The following TENM2 variants were observed in gnomAD, a reference collection of about 807,000 sequenced individuals.
TENM2 encodes the protein teneurin transmembrane protein 2, also known as teneurin-2.
A neutral mutation model predicts 245.2 loss-of-function variants in TENM2; 52 were observed. The ratio of observed to expected loss-of-function variants is 0.21; its 90% CI spans 0.17 to 0.27. The LOEUF (loss-of-function observed/expected upper bound fraction) is 0.27. Among genes scored for constraint, TENM2 ranks in the 10% least tolerant of loss-of-function variants. The pLI, the probability that TENM2 is intolerant of heterozygous loss-of-function variation, is 1.00. For synonymous variants in TENM2, 1,363 were observed against 1,438.9 expected (o/e 0.95, Z 1.19); for missense variants, 3,046 against 3,666.8 (o/e 0.83, Z 4.37).
intron 2 of TENM2, among the ~76,000 whole-genome samples, chr5:167,394,774 A>AT (rs1357277002): frequency 6.6e-6 from 1 of 150,984 alleles, no homozygotes; most frequent in East Asian, 2.0e-4. Flanking sequence ...TTTTTTTTCT[A>AT]TTTTTACAGA....
At chr5:167,323,512 A>G (rs768412327) in intron 1 of TENM2, among the ~76,000 whole-genome samples, 29 of 151,958 alleles carry the variant, frequency 1.9e-4, no homozygotes, top group Non-Finnish European at 3.7e-4. Context: ...AATATCTAAC[A>G]CCTCTGAGTT....
intron 4 of TENM2, among the ~76,000 whole-genome samples, chr5:167,963,314 A>G (rs1369660766): frequency 2.0e-5 from 3 of 152,212 alleles, no homozygotes; most frequent in Non-Finnish European, 4.4e-5. Flanking sequence ...GAATTCCCTG[A>G]TTCAAATGCT....
chr5:167,277,808 T>A, the TENM2 span, among the ~76,000 whole-genome samples: 1 of 150,408 alleles, frequency 6.6e-6, no homozygotes, highest in Non-Finnish European at 1.5e-5. Flanking sequence ...TCATACATAT[T>A]TAGAATTGCC....
At chr5:167,520,418 T>A (rs914578984) in intron 2 of TENM2, among the ~76,000 whole-genome samples, 1 of 152,146 alleles carries the variant, frequency 6.6e-6, no homozygotes, top group African/African-American at 2.4e-5. Context: ...ATATTTTTAG[T>A]TAATCTTCCT....
chr5:167,761,319 G>A (rs569923067), intron 2 of TENM2, among the ~76,000 whole-genome samples: 1 of 152,058 alleles, frequency 6.6e-6, no homozygotes, highest in African/African-American at 2.4e-5. Flanking sequence ...GCTCAACCAG[G>A]GCAGGAAACG....
intron 2 of TENM2, among the ~76,000 whole-genome samples, chr5:167,489,987 AC>A (rs1315195392): frequency 1.3e-5 from 2 of 152,264 alleles, no homozygotes; most frequent in South Asian, 4.1e-4. Context: ...AAAGACTACT[AC>A]CTACATAAAT....
the TENM2 span, among the ~76,000 whole-genome samples, chr5:167,188,580 G>A: frequency 2.0e-5 from 3 of 151,946 alleles, no homozygotes; most frequent in African/African-American, 7.2e-5. Flanking sequence ...GCTCACTTTT[G>A]ACAACAAACT....
intron 2 of TENM2, among the ~76,000 whole-genome samples, chr5:167,743,863 G>A (rs1159688366): frequency 6.6e-6 from 1 of 152,184 alleles, no homozygotes. Context: ...CCCTCACTGA[G>A]AGCATTCTTG....
chr5:167,346,394 A>G (rs1758460007), intron 1 of TENM2, among the ~76,000 whole-genome samples: 6 of 152,208 alleles, frequency 3.9e-5, no homozygotes. Context: ...GAGCTACTTT[A>G]TTTGGTCTGC....
chr5:167,558,158 A>G (rs1773371335), intron 2 of TENM2, among the ~76,000 whole-genome samples: 1 of 152,192 alleles, frequency 6.6e-6, no homozygotes, highest in African/African-American at 2.4e-5. Flanking sequence ...TCAGGATGCT[A>G]GAAGCTCCAG....
At chr5:167,429,555 C>G (rs977753048) in intron 2 of TENM2, among the ~76,000 whole-genome samples, 8 of 150,054 alleles carry the variant, frequency 5.3e-5, no homozygotes, top group Non-Finnish European at 1.5e-5. Context: ...GTGGGGAGAG[C>G]CGTGGAGGTC....
intron 1 of TENM2, among the ~76,000 whole-genome samples, chr5:167,336,895 A>G (rs1257380927): frequency 6.6e-6 from 1 of 151,256 alleles, no homozygotes; most frequent in Non-Finnish European, 1.5e-5. Context: ...AGGCGGGTGG[A>G]TCATGAGGTC....
At chr5:168,025,051 A>G (rs2151926518) in intron 5 of TENM2, among the ~76,000 whole-genome samples, 1 of 152,346 alleles carries the variant, frequency 6.6e-6, no homozygotes, top group African/African-American at 2.4e-5. Flanking sequence ...TACAAAAGTA[A>G]CTTCTCTATG....
the TENM2 span, among the ~76,000 whole-genome samples, chr5:167,234,138 G>A: frequency 2.0e-5 from 3 of 152,086 alleles, no homozygotes; most frequent in Non-Finnish European, 2.9e-5. Context: ...TGGTTCCCCC[G>A]AGTTACCAAC....
intron 1 of TENM2, among the ~76,000 whole-genome samples, chr5:167,369,634 G>T (rs758640026): frequency 1.3e-5 from 2 of 151,046 alleles, no homozygotes; most frequent in Non-Finnish European, 2.9e-5. Context: ...GATGGGTAGG[G>T]ATTAATTTTA....
At chr5:167,829,913 AG>A (rs1768319239) in intron 2 of TENM2, among the ~76,000 whole-genome samples, 1 of 152,198 alleles carries the variant, frequency 6.6e-6, no homozygotes, top group African/African-American at 2.4e-5. Context: ...AAGGCCACAA[AG>A]GGCTGATGAA....
intron 3 of TENM2, among the ~76,000 whole-genome samples, chr5:167,944,918 G>C (rs770093718): frequency 6.6e-6 from 1 of 152,160 alleles, no homozygotes; most frequent in Non-Finnish European, 1.5e-5. Context: ...AAACAAAGAC[G>C]GAGGAGTTTG....
chr5:168,104,211 T>C (rs1644123385), intron 9 of TENM2, among the ~76,000 whole-genome samples: 1 of 152,090 alleles, frequency 6.6e-6, no homozygotes, highest in African/African-American at 2.4e-5. Context: ...GGATTTTTCA[T>C]AGAGACGAGG....
intron 12 of TENM2, among the ~76,000 whole-genome samples, chr5:168,143,158 G>A (rs183167945): frequency 6.6e-6 from 1 of 152,046 alleles, no homozygotes; most frequent in Non-Finnish European, 1.5e-5. Context: ...ATTCAGGCTT[G>A]AACAAGGGAT....
Sources: gnomAD v4.1 joint callset for allele counts (sites outside exome capture counted in the v4.1 genomes callset) on GRCh38, gnomAD v4.1.1 for gene constraint, MANE v1.5 for transcripts, NCBI Gene and HGNC (gene_info 2026-07-23, HGNC 2026-07-21) for gene names.